The following TNRC6C variants were observed in gnomAD, a reference collection of about 807,000 sequenced individuals.
TNRC6C encodes trinucleotide repeat containing adaptor 6C, also known as trinucleotide repeat-containing gene 6C protein.
Under a neutral mutation model 153.7 loss-of-function variants are expected in TNRC6C, and 20 were observed. The ratio of observed to expected loss-of-function variants is 0.13; its 90% confidence interval spans 0.09 to 0.19. The LOEUF is 0.19. Among genes scored for constraint, TNRC6C ranks in the 10% least tolerant of loss-of-function variants. The pLI is 1.00. For missense variants in TNRC6C, 1,987 were observed against 2,172.0 expected (o/e 0.91, Z 1.69); for synonymous variants, 811 against 841.4 (o/e 0.96, Z 0.63).
At chr17:77,970,091 T>G (rs888740035) in intron 1 of TNRC6C, among the ~76,000 whole-genome samples, 1 of 152,226 alleles carries the variant, frequency 6.6e-6, no homozygotes, top group Non-Finnish European at 1.5e-5. Context: ...CTTGACCCAT[T>G]TTTCTTCTGC....
At chr17:78,092,876 G>C in intron 14 of TNRC6C, 57 bp from the exon 17 acceptor site, 1 of 1,529,730 alleles carries the variant, frequency 6.5e-7, no homozygotes, top group East Asian at 2.3e-5. Context: ...GGTATCTTCT[G>C]GTGTCTCTCA....
intron 1 of TNRC6C, among the ~76,000 whole-genome samples, chr17:77,989,377 T>A (rs1310942974): frequency 2.0e-5 from 3 of 152,194 alleles, no homozygotes; most frequent in African/African-American, 7.2e-5. Flanking sequence ...ATGTATAGAA[T>A]TTTTTGTGCT....
At chr17:77,981,159 T>C (rs533262495) in intron 1 of TNRC6C, among the ~76,000 whole-genome samples, 3 of 152,166 alleles carry the variant, frequency 2.0e-5, no homozygotes, top group Non-Finnish European at 2.9e-5. Context: ...AAAAAAAATT[T>C]TGTAGAGGTG....
intron 1 of TNRC6C, among the ~76,000 whole-genome samples, chr17:77,965,042 C>T (rs935467671): frequency 1.3e-5 from 2 of 152,208 alleles, no homozygotes; most frequent in Non-Finnish European, 2.9e-5. Flanking sequence ...CCATTTAAAA[C>T]TAATCTGAGC....
chr17:78,093,770 G>A lies in TNRC6C; in HGVS notation c.4306+7G>A. 6.2e-7 allele frequency: 1 copy of A among 1,613,626 alleles called. No individual in the cohort carries two copies. Among genetic ancestry groups the A allele is most frequent in the Non-Finnish European group, 8.5e-7 (1 of 1,179,804 alleles). On this transcript the variant is annotated splice_region_variant and intron_variant, in intron 16 of 19. Transcript: ENST00000301624. ...TACCTCCTCAAGAGTGGAGGTGAGGGTGCTGCTCTTCCTGCCTCTGCATGG... is the reference window on the plus strand; with the variant it reads ...TACCTCCTCAAGAGTGGAGGTGAGGATGCTGCTCTTCCTGCCTCTGCATGG...
exon 2 of TNRC6C, chr17:78,031,808 C>T (rs749887747): frequency 8.9e-6 from 11 of 1,232,146 alleles, no homozygotes; most frequent in Admixed American, 8.4e-5. Flanking sequence ...TACCTGGAGC[C>T]GGAACACAGC....
chr17:78,049,948 A>G lies in TNRC6C; in HGVS notation c.886A>G (p.Asn296Asp). The change falls in exon 3 of 20, where the codon AAT (asparagine) becomes GAT (aspartate). Residue 296 changes from asparagine (N) to aspartate (D), a missense_variant. Coordinates refer to ENST00000301624, the Ensembl canonical transcript of TNRC6C. This position sits in a 1 kb window ranked among gnomAD's most constrained non-coding sequence, Gnocchi z 4.1. ...TGTGCAAAAGGAAGGAAGTGGAGGA[A>G]ATGCTTGGGATTCAGGACCTCCTGC... 1.2e-6 allele frequency: 2 copies of G among 1,614,038 alleles called. No homozygotes were observed. Among genetic ancestry groups the G allele is most frequent in the Middle Eastern group, 1.6e-4 (1 of 6,062 alleles).
chr17:77,989,612 A>G (rs924164449), intron 1 of TNRC6C, among the ~76,000 whole-genome samples: 1 of 152,140 alleles, frequency 6.6e-6, no homozygotes, highest in Non-Finnish European at 1.5e-5. Context: ...TACTTTGTTT[A>G]TTTACCTGTG....
At chr17:77,983,173 A>G (rs1250958110) in intron 1 of TNRC6C, among the ~76,000 whole-genome samples, 1 of 152,212 alleles carries the variant, frequency 6.6e-6, no homozygotes, top group Non-Finnish European at 1.5e-5. Flanking sequence ...GTTATACCTT[A>G]TAACCCACCC....
intron 6 of TNRC6C, 114 bp from the exon 9 acceptor site, chr17:78,072,923 T>C (rs1218003174): frequency 1.6e-5 from 11 of 686,444 alleles, no homozygotes; most frequent in Non-Finnish European, 2.7e-5. Context: ...AGAAATGTAT[T>C]TCCAGTTCCA....
At chr17:78,052,522 A>C (rs1018025294) in intron 3 of TNRC6C, among the ~76,000 whole-genome samples, 2 of 152,196 alleles carry the variant, frequency 1.3e-5, no homozygotes, top group African/African-American at 4.8e-5. Context: ...TTGGGCAGTG[A>C]TGGTGCAGGG....
chr17:77,992,852 G>T (rs1025817169), intron 1 of TNRC6C, among the ~76,000 whole-genome samples: 1 of 152,190 alleles, frequency 6.6e-6, no homozygotes, highest in Non-Finnish European at 1.5e-5. Flanking sequence ...GAGAGGAATT[G>T]AATCAAATAG....
At position 78,030,817 on chromosome 17, in the gene TNRC6C, G is replaced by A. The variant is rs116052915; in HGVS notation, c.-545-699G>A. Among the ~76,000 whole-genome samples the A allele has an allele frequency of 2.7e-3, 412 of 152,212 alleles. 1 individual carries two copies. Among genetic ancestry groups the A allele is most frequent in the African/African-American group, 8.4e-3 (348 of 41,530 alleles). ...AGTAATTGTTAGAAATGCAAATTCC[G>A]GCCGGGCATGGTGGCTCACACCCGT... On this transcript the variant is annotated intron_variant, in intron 1 of 19. Coordinates refer to ENST00000301624, the Ensembl canonical transcript of TNRC6C.
chr17:78,017,717 C>T (rs2071754775), intron 1 of TNRC6C, among the ~76,000 whole-genome samples: 1 of 152,226 alleles, frequency 6.6e-6, no homozygotes, highest in African/African-American at 2.4e-5. Context: ...AAAATCCTTC[C>T]AGGGTCTCTG....
At position 78,075,372 on chromosome 17, in the gene TNRC6C, G is replaced by T; in HGVS notation, c.3060+94G>T. The stretch of plus-strand genomic sequence containing the variant: ...TTAATACAAGCCAGATTAAAAACTT[G>T]CTGGACTATAATACTTAAGTGACTT... On this transcript the variant is annotated intron_variant, in intron 8 of 19. Coordinates refer to ENST00000301624, the Ensembl canonical transcript of TNRC6C. This position sits in a 1 kb window ranked among gnomAD's most constrained non-coding sequence, Gnocchi z 4.2. 7.0e-7 allele frequency: 1 copy of T among 1,422,028 alleles called. No individual in the cohort carries two copies. Among genetic ancestry groups the T allele is most frequent in the Non-Finnish European group, 9.4e-7 (1 of 1,060,560 alleles). The allele number at this position is 1,422,028 out of a possible 1,614,324, so 88.1% of individuals were successfully genotyped here. A position where few individuals can be genotyped will look rare whatever the true frequency, so the allele number is the denominator to read the frequency against.
chr17:78,093,807 A>G, intron 16 of TNRC6C, 44 bp downstream of exon 18: 1 of 1,609,424 alleles, frequency 6.2e-7, no homozygotes. Flanking sequence ...CGGTCTCTCT[A>G]GACCCATTTG....
intron 16 of TNRC6C, chr17:78,097,826 C>G: frequency 6.4e-7 from 1 of 1,550,536 alleles, no homozygotes; most frequent in Non-Finnish European, 8.7e-7. Flanking sequence ...TACAGTAGCT[C>G]TTTCAGCAGC....
At chr17:78,071,043 A>G in intron 5 of TNRC6C, 42 bp from the exon 8 acceptor site, 1 of 1,548,562 alleles carries the variant, frequency 6.5e-7, no homozygotes, top group South Asian at 1.2e-5. Flanking sequence ...ATGCATTAAA[A>G]TGTAGCTCAT....
intron 1 of TNRC6C, among the ~76,000 whole-genome samples, chr17:77,975,983 G>A (rs2070992222): frequency 6.6e-6 from 1 of 152,140 alleles, no homozygotes; most frequent in Admixed American, 6.5e-5. Context: ...AGATTTCTAG[G>A]AATGCCACTT....
Sources: allele counts gnomAD v4.1 joint callset (sites outside exome capture counted in the v4.1 genomes callset), GRCh38; gene constraint gnomAD v4.1.1; non-coding constraint Gnocchi (gnomAD v3.1); transcripts MANE v1.5; gene names NCBI Gene and HGNC (gene_info 2026-07-23, HGNC 2026-07-21).